The following CDH13 variants were observed in gnomAD, a reference collection of about 807,000 sequenced individuals.
The protein encoded by CDH13 is cadherin 13, also known as cadherin-13.
A neutral mutation model predicts 63.8 loss-of-function variants in CDH13; 24 were observed. That is an observed-to-expected ratio of 0.38 (90% CI 0.27 to 0.53). CDH13 has a LOEUF of 0.53. Ranked by LOEUF, CDH13 falls within the 20% of genes least tolerant of loss-of-function variation. CDH13 has a pLI of 0.85. For synonymous variants in CDH13, 503 were observed against 355.3 expected, an observed-to-expected ratio of 1.42 and a Z score of -4.67; for missense variants, 1,049 against 903.1, an observed-to-expected ratio of 1.16 and a Z score of -2.07.
chr16:83,631,040 C>G (rs1454619320), intron 8 of CDH13, among the ~76,000 whole-genome samples: 1 of 152,168 alleles, frequency 6.6e-6, no homozygotes, highest in Non-Finnish European at 1.5e-5. Context: ...GGAGATACAT[C>G]TCTGCCGCAG....
intron 7 of CDH13, among the ~76,000 whole-genome samples, chr16:83,537,033 A>C (rs1045622872): frequency 6.6e-6 from 1 of 152,222 alleles, no homozygotes; most frequent in Non-Finnish European, 1.5e-5. Context: ...GCAGAATTTT[A>C]AGGACGTACA....
rs1052966415 is a variant in CDH13 at position 82,968,539 on chromosome 16, T to C, written c.158-63471T>C. On this transcript the variant is annotated intron_variant, in intron 2 of 13. Transcript: ENST00000567109. ...GTAAACTGAAATCTTTCCTGAACAC[T>C]TCATGCTTTTTGGTTTCTCTCCACT... Among the ~76,000 whole-genome samples, 5 of 152,286 alleles carry C rather than the reference T, an allele frequency of 3.3e-5. No homozygotes were observed. The South Asian group carries it at 1.0e-3, about 32-fold the overall frequency.
chr16:83,346,552 C>A (rs2090843286), intron 6 of CDH13, among the ~76,000 whole-genome samples: 2 of 152,134 alleles, frequency 1.3e-5, no homozygotes, highest in South Asian at 4.1e-4. Flanking sequence ...ATGTAAATGA[C>A]AGTGCTTACA....
At chr16:82,999,738 C>G (rs1397989658) in intron 2 of CDH13, among the ~76,000 whole-genome samples, 1 of 152,078 alleles carries the variant, frequency 6.6e-6, no homozygotes, top group Admixed American at 6.5e-5. Flanking sequence ...GGGCAAGGAC[C>G]CCTCTCCAGC....
At chr16:83,136,325 A>C (rs2151666318) in intron 4 of CDH13, among the ~76,000 whole-genome samples, 1 of 151,952 alleles carries the variant, frequency 6.6e-6, no homozygotes, top group Middle Eastern at 3.4e-3. Flanking sequence ...CTACTAAAAA[A>C]TACAACAAAA....
intron 6 of CDH13, among the ~76,000 whole-genome samples, chr16:83,362,959 C>A (rs562986903): frequency 5.3e-4 from 81 of 152,264 alleles, no homozygotes; most frequent in African/African-American, 1.9e-3. Context: ...CATCCCTGTC[C>A]ATGGGGTTTT....
At chr16:83,109,071 A>T (rs1051164399) in intron 3 of CDH13, among the ~76,000 whole-genome samples, 1 of 152,150 alleles carries the variant, frequency 6.6e-6, no homozygotes, top group East Asian at 1.9e-4. Context: ...GGGAGCACAG[A>T]CTAAGAGTAT....
At chr16:82,827,842 G>A (rs1187695248) in intron 1 of CDH13, among the ~76,000 whole-genome samples, 5 of 152,158 alleles carry the variant, frequency 3.3e-5, no homozygotes, top group African/African-American at 1.2e-4. Context: ...GTCAGATGTG[G>A]TATGAGTATG....
At chr16:83,307,862 C>A (rs961133402) in intron 5 of CDH13, among the ~76,000 whole-genome samples, 1 of 152,074 alleles carries the variant, frequency 6.6e-6, no homozygotes, top group Non-Finnish European at 1.5e-5. Flanking sequence ...TGCGTGCTGC[C>A]GTTAGCTGAA....
At chr16:83,661,527 A>G (rs1479061477) in intron 8 of CDH13, among the ~76,000 whole-genome samples, 1 of 152,070 alleles carries the variant, frequency 6.6e-6, no homozygotes, top group Non-Finnish European at 1.5e-5. Context: ...ACAGTTTAAG[A>G]ACCACCGTTC....
intron 11 of CDH13, 25 bp from the exon 12 acceptor site, chr16:83,779,943 C>T: frequency 6.5e-7 from 1 of 1,543,652 alleles, no homozygotes; most frequent in Non-Finnish European, 8.9e-7. Context: ...CAGTTGCATA[C>T]CAACATCTTC....
At chr16:83,791,949 T>A (rs963774189) in intron 13 of CDH13, among the ~76,000 whole-genome samples, 1 of 152,178 alleles carries the variant, frequency 6.6e-6, no homozygotes, top group African/African-American at 2.4e-5. Flanking sequence ...TTTTGGTAAG[T>A]GTACAGAATT....
chr16:82,795,648 A>T (rs1011044373), intron 1 of CDH13, among the ~76,000 whole-genome samples: 1 of 152,198 alleles, frequency 6.6e-6, no homozygotes, highest in Non-Finnish European at 1.5e-5. Flanking sequence ...GTTGTTAAGT[A>T]GGGGGACAGA....
chr16:83,042,193 G>A (rs1264080207), intron 3 of CDH13, among the ~76,000 whole-genome samples: 6 of 152,140 alleles, frequency 3.9e-5, no homozygotes, highest in South Asian at 2.1e-4. Flanking sequence ...GTACCAGTCC[G>A]TGGCCTGTTA....
At chr16:83,086,742 C>T (rs1439107261) in intron 3 of CDH13, among the ~76,000 whole-genome samples, 1 of 152,124 alleles carries the variant, frequency 6.6e-6, no homozygotes, top group Non-Finnish European at 1.5e-5. Flanking sequence ...AATATTGCTG[C>T]TAAGAATGAT....
chr16:82,856,183 T>C (rs1372062644), intron 1 of CDH13, among the ~76,000 whole-genome samples: 2 of 151,740 alleles, frequency 1.3e-5, no homozygotes. Flanking sequence ...GAGACCATCC[T>C]GGCGAACACT....
intron 11 of CDH13, among the ~76,000 whole-genome samples, chr16:83,765,530 A>C (rs548273122): frequency 1.6e-3 from 217 of 134,066 alleles, no homozygotes; most frequent in Admixed American, 4.1e-3. Flanking sequence ...CTTACTATTA[A>C]CATTTTTCTA....
chr16:83,252,568 C>T (rs1190861749), intron 5 of CDH13, among the ~76,000 whole-genome samples: 1 of 152,120 alleles, frequency 6.6e-6, no homozygotes, highest in Non-Finnish European at 1.5e-5. Flanking sequence ...AGCCAAGTGA[C>T]ATGTTGCAAG....
chr16:83,317,870 T>A (rs1298603161), intron 5 of CDH13, among the ~76,000 whole-genome samples: 1 of 151,532 alleles, frequency 6.6e-6, no homozygotes, highest in East Asian at 1.9e-4. Context: ...AAACTGAGGA[T>A]CACAAATACG....
Sources: allele counts gnomAD v4.1 joint callset (sites outside exome capture counted in the v4.1 genomes callset), GRCh38; gene constraint gnomAD v4.1.1; transcripts MANE v1.5; gene names NCBI Gene and HGNC (gene_info 2026-07-23, HGNC 2026-07-21).